PRR23E: variants seen among roughly 807,000 people sequenced by gnomAD.
PRR23E encodes the protein PRR23 family member E.
the PRR23E span, chr3:127,196,961 C>T: frequency 6.3e-7 from 1 of 1,599,436 alleles, no homozygotes; most frequent in South Asian, 1.1e-5. Context: ...TGGGTTATCC[C>T]CCTCCAGCTG....
the PRR23E span, chr3:127,197,927 C>T: frequency 1.3e-5 from 2 of 152,424 alleles, no homozygotes; most frequent in Non-Finnish European, 2.9e-5. Flanking sequence ...GGGAACCACA[C>T]ACTCAAGCAC....
chr3:127,197,591 T>TTCC, the PRR23E span: 5 of 336,088 alleles, frequency 1.5e-5, no homozygotes, highest in Non-Finnish European at 2.2e-5. Context: ...TCTCTTTACT[T>TTCC]TGTTTTTCTG....
the PRR23E span, among the ~76,000 whole-genome samples, chr3:127,195,078 G>C: frequency 6.6e-6 from 1 of 152,182 alleles, no homozygotes; most frequent in Non-Finnish European, 1.5e-5. Flanking sequence ...GTGGCAGAGA[G>C]GAGGGGGAGC....
the PRR23E span, among the ~76,000 whole-genome samples, chr3:127,195,429 C>G: frequency 6.6e-6 from 1 of 152,116 alleles, no homozygotes; most frequent in Admixed American, 6.5e-5. Context: ...GGGGCACCTT[C>G]GTGATCTGAC....
chr3:127,196,663 T>C, the PRR23E span: 1 of 1,565,444 alleles, frequency 6.4e-7, no homozygotes, highest in Non-Finnish European at 8.6e-7. Flanking sequence ...CTTCGGGGCT[T>C]TGAAGAGCAC....
chr3:127,195,792 T>C, the PRR23E span, among the ~76,000 whole-genome samples: 1 of 152,188 alleles, frequency 6.6e-6, no homozygotes, highest in Non-Finnish European at 1.5e-5. Context: ...ACCGTCTCTC[T>C]GTGCCTCATC....
At chr3:127,195,796 C>T in the PRR23E span, among the ~76,000 whole-genome samples, 1 of 152,320 alleles carries the variant, frequency 6.6e-6, no homozygotes, top group South Asian at 2.1e-4. Flanking sequence ...TCTCTCTGTG[C>T]CTCATCCTTG....
chr3:127,195,714 G>T, the PRR23E span, among the ~76,000 whole-genome samples: 4 of 152,226 alleles, frequency 2.6e-5, no homozygotes, highest in Admixed American at 1.3e-4. Flanking sequence ...CAGGGGTCCT[G>T]ACCGCACCAG....
chr3:127,197,007 G>A, the PRR23E span: 18 of 1,597,660 alleles, frequency 1.1e-5, no homozygotes, highest in Middle Eastern at 1.6e-4. Flanking sequence ...TTGGAGGGGC[G>A]CCTCCAGCTT....
the PRR23E span, among the ~76,000 whole-genome samples, chr3:127,193,700 G>T: frequency 1.3e-5 from 2 of 152,212 alleles, no homozygotes; most frequent in Non-Finnish European, 2.9e-5. Context: ...AAGGAAATCG[G>T]GTTTTGAATT....
the PRR23E span, among the ~76,000 whole-genome samples, chr3:127,193,984 C>G: frequency 2.0e-5 from 3 of 152,232 alleles, no homozygotes; most frequent in Non-Finnish European, 2.9e-5. Context: ...CTAGCAAGAG[C>G]TGTCTGTATC....
chr3:127,193,148 A>C, the PRR23E span: 1 of 152,252 alleles, frequency 6.6e-6, no homozygotes, highest in Non-Finnish European at 1.5e-5. Context: ...TCCTGCCGCC[A>C]CCTGGACCGG....
chr3:127,196,537 T>A, the PRR23E span: 217 of 1,034,216 alleles, frequency 2.1e-4, no homozygotes, highest in East Asian at 3.3e-4. Flanking sequence ...TCCCATCCCC[T>A]CCTGTGCGAC....
chr3:127,195,664 T>C, the PRR23E span, among the ~76,000 whole-genome samples: 1 of 152,046 alleles, frequency 6.6e-6, no homozygotes, highest in Non-Finnish European at 1.5e-5. Context: ...CCTCAGTTTC[T>C]TCCATTCCAT....
chr3:127,197,423 C>T, the PRR23E span: 2 of 1,514,124 alleles, frequency 1.3e-6, no homozygotes, highest in Non-Finnish European at 1.8e-6. Flanking sequence ...AATCAGCCCT[C>T]TAGACCCAGA....
At chr3:127,197,447 CAG>C in the PRR23E span, 1 of 1,466,750 alleles carries the variant, frequency 6.8e-7, no homozygotes, top group Non-Finnish European at 9.0e-7. Context: ...ACCCAACAAT[CAG>C]AGACATGTCT....
At chr3:127,197,325 C>G in the PRR23E span, 2 of 1,598,012 alleles carry the variant, frequency 1.3e-6, no homozygotes, top group Non-Finnish European at 1.7e-6. Flanking sequence ...GCCCCCTTCC[C>G]CCATTGAAGA....
the PRR23E span, chr3:127,197,545 C>A: frequency 1.6e-6 from 1 of 623,912 alleles, no homozygotes; most frequent in East Asian, 3.3e-5. Context: ...CAGAGTACAC[C>A]TCCTGGACTC....
the PRR23E span, chr3:127,196,928 G>C: frequency 6.3e-7 from 1 of 1,599,334 alleles, no homozygotes; most frequent in African/African-American, 1.3e-5. Flanking sequence ...ACCCGTGGGT[G>C]CTCTATGGTG....
Sources: allele counts gnomAD v4.1 joint callset (sites outside exome capture counted in the v4.1 genomes callset), GRCh38; gene constraint gnomAD v4.1.1; transcripts MANE v1.5; gene names NCBI Gene and HGNC (gene_info 2026-07-23, HGNC 2026-07-21).